Variants in DLG2 observed in about 807,000 individuals in gnomAD.
DLG2 encodes disks large homolog 2.
Under a neutral mutation model 132.5 loss-of-function variants are expected in DLG2, and 45 were observed. That is an observed-to-expected ratio of 0.34 (90% CI 0.27 to 0.44). The LOEUF (loss-of-function observed/expected upper bound fraction) is 0.44, where lower values mean the gene tolerates loss of function less well. Ranked by LOEUF, DLG2 falls within the 20% of genes least tolerant of loss-of-function variation. The probability of loss-of-function intolerance (pLI) is 1.00; values close to 1 mark genes in which losing one functional copy is unlikely to be tolerated. For synonymous variants in DLG2, 424 were observed against 419.6 expected (o/e 1.01, Z -0.13); for missense variants, 1,045 against 1,196.9 (o/e 0.87, Z 1.87).
chr11:85,395,621 T>G (rs896514256), intron 3 of DLG2, among the ~76,000 whole-genome samples: 5 of 152,094 alleles, frequency 3.3e-5, no homozygotes, highest in Admixed American at 6.5e-5. Flanking sequence ...CCTGACTCAG[T>G]GGGTCCCCTG....
chr11:84,026,448 A>G (rs372757625), intron 11 of DLG2, among the ~76,000 whole-genome samples: 14 of 152,254 alleles, frequency 9.2e-5, no homozygotes, highest in African/African-American at 3.1e-4. Context: ...AGACTTCAGG[A>G]CTTGCATAGT....
At chr11:84,441,295 T>C (rs754782988) in intron 7 of DLG2, among the ~76,000 whole-genome samples, 3 of 152,018 alleles carry the variant, frequency 2.0e-5, no homozygotes, top group Non-Finnish European at 4.4e-5. Flanking sequence ...AGTAGGCACA[T>C]ACCATCATGC....
At chr11:85,446,596 A>G (rs1337487458) in intron 3 of DLG2, among the ~76,000 whole-genome samples, 1 of 152,156 alleles carries the variant, frequency 6.6e-6, no homozygotes, top group Non-Finnish European at 1.5e-5. Context: ...CCTTGCTACA[A>G]CTATTTAAGA....
chr11:84,141,766 G>A (rs1349335638), intron 9 of DLG2, among the ~76,000 whole-genome samples: 2 of 151,900 alleles, frequency 1.3e-5, no homozygotes, highest in African/African-American at 4.8e-5. Flanking sequence ...TGGTTTTATT[G>A]AGCCATATTT....
At chr11:83,587,422 A>C (rs2097104472) in intron 19 of DLG2, among the ~76,000 whole-genome samples, 1 of 152,142 alleles carries the variant, frequency 6.6e-6, no homozygotes, top group Non-Finnish European at 1.5e-5. Context: ...GGTGCATACC[A>C]CCATGCCCAG....
intron 14 of DLG2, among the ~76,000 whole-genome samples, chr11:83,939,643 T>C (rs774193084): frequency 6.6e-6 from 1 of 152,304 alleles, no homozygotes; most frequent in East Asian, 1.9e-4. Flanking sequence ...TCGAGGATGA[T>C]TGACATTAGT....
At chr11:85,465,919 C>T (rs1451622701) in intron 3 of DLG2, among the ~76,000 whole-genome samples, 5 of 152,070 alleles carry the variant, frequency 3.3e-5, no homozygotes, top group African/African-American at 7.2e-5. Flanking sequence ...TACAGTCCCA[C>T]CAACAGTGTA....
At chr11:85,391,191 C>A (rs1292964988) in intron 3 of DLG2, among the ~76,000 whole-genome samples, 1 of 151,810 alleles carries the variant, frequency 6.6e-6, no homozygotes, top group Non-Finnish European at 1.5e-5. Context: ...ACCTAGAGGA[C>A]ATGGATAAAT....
intron 15 of DLG2, among the ~76,000 whole-genome samples, chr11:83,917,770 C>T (rs1458610373): frequency 6.6e-6 from 1 of 152,186 alleles, no homozygotes; most frequent in Non-Finnish European, 1.5e-5. Context: ...CAATGAATGT[C>T]TACTACGTGC....
At chr11:85,568,075 C>T (rs1230360143) in intron 3 of DLG2, among the ~76,000 whole-genome samples, 1 of 146,694 alleles carries the variant, frequency 6.8e-6, no homozygotes, top group East Asian at 2.0e-4. Context: ...AGTGCAATGG[C>T]GCGATCTTGG....
At position 85,421,925 on chromosome 11, in the gene DLG2, C is replaced by G. The variant is rs561393687; in HGVS notation, c.41-136560G>C. Reference sequence around the variant, plus strand: ...GCATTTGTTTTTCCGAAAAAGGCTGCATCTTTCCTTCATATATAAAGCTTA... The same window carrying G: ...GCATTTGTTTTTCCGAAAAAGGCTGGATCTTTCCTTCATATATAAAGCTTA... On this transcript the variant is annotated intron_variant, in intron 3 of 27. Transcript: ENST00000376104. Among the ~76,000 whole-genome samples the G allele has an allele frequency of 6.6e-5, 10 of 152,210 alleles. No individual in the cohort carries two copies. In the East Asian group the frequency reaches 1.7e-3, roughly 26 times the overall value.
chr11:84,057,653 A>G (rs1258116536), intron 11 of DLG2, among the ~76,000 whole-genome samples: 3 of 152,196 alleles, frequency 2.0e-5, no homozygotes, highest in African/African-American at 2.4e-5. Context: ...GTTTAAAACC[A>G]TATGTAGTAA....
chr11:85,052,509 T>G (rs527524452), intron 6 of DLG2, among the ~76,000 whole-genome samples: 3 of 152,298 alleles, frequency 2.0e-5, no homozygotes, highest in African/African-American at 7.2e-5. Context: ...TTTAACAACA[T>G]AAGCAAAACA....
chr11:83,672,304 C>T (rs1412521506), intron 18 of DLG2, among the ~76,000 whole-genome samples: 5 of 152,096 alleles, frequency 3.3e-5, no homozygotes, highest in Admixed American at 1.3e-4. Context: ...CCTGCCTCAG[C>T]CTCCCAAGTG....
At chr11:83,588,164 C>T (rs2097124796) in intron 19 of DLG2, among the ~76,000 whole-genome samples, 2 of 152,026 alleles carry the variant, frequency 1.3e-5, no homozygotes, top group Admixed American at 1.3e-4. Flanking sequence ...CCTCTGTAGG[C>T]TCCACCTCTG....
At chr11:84,243,709 T>C (rs529128201) in intron 8 of DLG2, among the ~76,000 whole-genome samples, 1 of 152,210 alleles carries the variant, frequency 6.6e-6, no homozygotes, top group Non-Finnish European at 1.5e-5. Context: ...AGCAAAGGTC[T>C]AGATGTAGGT....
intron 17 of DLG2, among the ~76,000 whole-genome samples, chr11:83,812,349 T>C (rs1209602963): frequency 6.6e-6 from 1 of 151,940 alleles, no homozygotes; most frequent in African/African-American, 2.4e-5. Flanking sequence ...AAGAAATATA[T>C]TTGTCCATCT....
In DLG2 at chr11:84,807,632, C is replaced by T. The variant is rs181672938; in HGVS notation, c.358-272901G>A. 3.6e-4 allele frequency among the ~76,000 whole-genome samples: 55 copies of T among 151,956 alleles called. 2 individuals are homozygous for T. The East Asian group carries it at 9.7e-3, about 27-fold the overall frequency. ...GAAGAAATTCACTTTCAAATGTAAT[C>T]GAGGCAGGTTGAAAGTGAAAAATAG... On this transcript the variant is annotated intron_variant, in intron 6 of 27. Coordinates refer to ENST00000376104, the MANE Select transcript of DLG2 (RefSeq NM_001142699.3).
chr11:84,366,316 C>G (rs1297692635), intron 7 of DLG2, among the ~76,000 whole-genome samples: 1 of 151,872 alleles, frequency 6.6e-6, no homozygotes, highest in Non-Finnish European at 1.5e-5. Context: ...GAAGGAAGCA[C>G]TAAACATGGA....
Sources: gnomAD v4.1 joint callset for allele counts (sites outside exome capture counted in the v4.1 genomes callset) on GRCh38, gnomAD v4.1.1 for gene constraint, MANE v1.5 for transcripts, NCBI Gene and HGNC (gene_info 2026-07-23, HGNC 2026-07-21) for gene names.